VEPH1: variants seen among roughly 807,000 people sequenced by gnomAD.
The protein encoded by VEPH1 is ventricular zone-expressed PH domain-containing protein homolog 1.
A neutral mutation model predicts 85.2 loss-of-function variants in VEPH1; 80 were observed. The ratio of observed to expected loss-of-function variants is 0.94; its 90% confidence interval spans 0.78 to 1.13. The LOEUF (loss-of-function observed/expected upper bound fraction) is 1.13, where lower values mean the gene tolerates loss of function less well. Ranked by LOEUF, VEPH1 falls within the 50% of genes most tolerant of loss-of-function variation. The pLI, the probability that VEPH1 is intolerant of heterozygous loss-of-function variation, is 0.00. For synonymous variants in VEPH1, 297 were observed against 348.0 expected (o/e 0.85, Z 1.63); for missense variants, 955 against 980.5 (o/e 0.97, Z 0.35).
At chr3:157,426,195 A>G (rs578043626) in intron 5 of VEPH1, among the ~76,000 whole-genome samples, 1 of 152,334 alleles carries the variant, frequency 6.6e-6, no homozygotes, top group African/African-American at 2.4e-5. Flanking sequence ...GGTACCCTCC[A>G]GAATCCATTT....
At chr3:157,417,066 T>C (rs189904387) in intron 5 of VEPH1, among the ~76,000 whole-genome samples, 3 of 150,914 alleles carry the variant, frequency 2.0e-5, no homozygotes, top group Admixed American at 6.6e-5. Context: ...TAAACAAAAG[T>C]TGTTTTTTTT....
At chr3:157,271,089 A>G (rs1714490549) in intron 12 of VEPH1, among the ~76,000 whole-genome samples, 1 of 152,192 alleles carries the variant, frequency 6.6e-6, no homozygotes, top group Non-Finnish European at 1.5e-5. Context: ...AGAAACAAGT[A>G]AAGCAGGTGC....
intron 7 of VEPH1, among the ~76,000 whole-genome samples, chr3:157,372,146 A>G (rs940915578): frequency 2.6e-5 from 4 of 152,192 alleles, no homozygotes; most frequent in Non-Finnish European, 5.9e-5. Context: ...AAGAGCTAAG[A>G]CATTGTCACT....
chr3:157,354,491 CCTT>C (rs1459119099), intron 9 of VEPH1, among the ~76,000 whole-genome samples: 1 of 152,086 alleles, frequency 6.6e-6, no homozygotes, highest in Admixed American at 6.6e-5. Context: ...CATAAAGTGT[CCTT>C]CTGCCTCATG....
chr3:157,395,465 C>A (rs188684672), intron 6 of VEPH1, among the ~76,000 whole-genome samples: 2 of 152,264 alleles, frequency 1.3e-5, no homozygotes, highest in Non-Finnish European at 2.9e-5. Context: ...CCATGAATAA[C>A]CTCCTTCTCT....
chr3:157,315,266 A>G (rs977256139), intron 10 of VEPH1, among the ~76,000 whole-genome samples: 10 of 152,106 alleles, frequency 6.6e-5, no homozygotes, highest in African/African-American at 2.4e-4. Flanking sequence ...ACTGAATGGG[A>G]AAAGATGGAG....
In VEPH1 at chr3:157,363,623, C is replaced by A. The variant is rs145565947; in HGVS notation, c.1476G>T (p.Leu492=). Residue 492 remains leucine (L), a synonymous_variant, in exon 9 of 14, where the codon CTG becomes CTT. Transcript: ENST00000362010. ...ATCTCTCAGTGTCTGTCTTAAACGG[C>A]AGCTTGTCATTTCCTTGGCCAAGTG... The part of the protein sequence containing the change: ...IDPLGQGNDK[L]PFKTDTERSQ... 20 of 1,614,082 alleles carry A rather than the reference C, an allele frequency of 1.2e-5. No homozygotes were observed. The African/African-American group carries it at 2.4e-4, about 19-fold the overall frequency.
intron 10 of VEPH1, 85 bp downstream of exon 10, chr3:157,316,977 G>T: frequency 7.1e-7 from 1 of 1,414,574 alleles, no homozygotes; most frequent in Non-Finnish European, 9.4e-7. Flanking sequence ...ATCAACTCTG[G>T]CCAAAGAATA....
At position 157,358,310 on chromosome 3, in the gene VEPH1, C is replaced by G. The variant is rs141839044; in HGVS notation, c.1735+5054G>C. Among the ~76,000 whole-genome samples, 425 of 152,198 alleles carry G rather than the reference C, an allele frequency of 2.8e-3. 5 individuals carry two copies. The East Asian group carries it at 0.043, about 16-fold the overall frequency. Reference sequence around the variant, plus strand: ...AAGAAAAGTTTGCTAGAAAAGTATTCCCTAGTAAGTGCCCTTCTAACAGGG... The same window carrying G: ...AAGAAAAGTTTGCTAGAAAAGTATTGCCTAGTAAGTGCCCTTCTAACAGGG... On this transcript the variant is annotated intron_variant, in intron 9 of 13. Transcript: ENST00000362010.
Position 157,457,722 on chromosome 3 carries a change from T to A in VEPH1, c.529+2459A>T, listed in dbSNP as rs570445064. The stretch of plus-strand genomic sequence containing the variant: ...TTGCATCCCAGGGATAAAGCCTACT[T>A]GATCATGATCGATAAGCTTTTTGAT... On this transcript the variant is annotated intron_variant, in intron 4 of 13. Transcript: ENST00000362010. Among the ~76,000 whole-genome samples the A allele has an allele frequency of 1.4e-4, 21 of 152,352 alleles. No homozygotes were observed. In the South Asian group the frequency reaches 4.1e-3, roughly 30 times the overall value.
chr3:157,304,038 T>TATATATATATATATATACACAC lies in VEPH1; in HGVS notation c.2010+9582_2010+9583insGTGTGTATATATATATATATAT. 2.6e-3 allele frequency among the ~76,000 whole-genome samples: 252 copies of TATATATATATATATATACACAC among 96,890 alleles called. 36 individuals carry two copies. The East Asian group carries it at 0.049, about 19-fold the overall frequency. The allele number at this position is 96,890 out of a possible 152,430, so 63.6% of individuals were successfully genotyped here. A position where few individuals can be genotyped will look rare whatever the true frequency, so the allele number is the denominator to read the frequency against. The stretch of plus-strand genomic sequence containing the variant: ...CTTATATTTTTTATATATATATATA[T>TATATATATATATATATACACAC]ACACACATACTGTTACATCTTATAT... On this transcript the variant is annotated intron_variant, in intron 11 of 13. Transcript: ENST00000362010.
chr3:157,382,324 G>A (rs1351754501), intron 6 of VEPH1, among the ~76,000 whole-genome samples: 2 of 152,092 alleles, frequency 1.3e-5, no homozygotes, highest in African/African-American at 4.8e-5. Context: ...TAAGAAAATG[G>A]CTTAGCTGAC....
chr3:157,299,217 G>A (rs1009228878), intron 11 of VEPH1, among the ~76,000 whole-genome samples: 5 of 151,902 alleles, frequency 3.3e-5, no homozygotes, highest in Non-Finnish European at 7.4e-5. Context: ...AGTACACATG[G>A]GCTCAGATAA....
chr3:157,474,549 T>C (rs1254689509), intron 2 of VEPH1, among the ~76,000 whole-genome samples: 4 of 152,240 alleles, frequency 2.6e-5, no homozygotes, highest in African/African-American at 9.6e-5. Flanking sequence ...CAACGATTCT[T>C]AATAGTAAAA....
chr3:157,417,601 T>C (rs527576276), intron 5 of VEPH1, among the ~76,000 whole-genome samples: 3 of 152,328 alleles, frequency 2.0e-5, no homozygotes, highest in South Asian at 2.1e-4. Flanking sequence ...TTGATGGGCC[T>C]ATCTGCAGAC....
At chr3:157,498,228 T>C (rs1456095) in intron 1 of VEPH1, among the ~76,000 whole-genome samples, 97,402 of 152,074 alleles carry the variant, frequency 0.64, 31,598 homozygotes, top group African/African-American at 0.73. Context: ...AGCTCAGCTA[T>C]TCAGCGATTA....
intron 2 of VEPH1, among the ~76,000 whole-genome samples, chr3:157,487,280 C>T (rs1474316668): frequency 6.6e-6 from 1 of 151,924 alleles, no homozygotes; most frequent in African/African-American, 2.4e-5. Flanking sequence ...TCAATGAATA[C>T]AGAAGCTGCC....
At chr3:157,319,998 C>T (rs1021188005) in intron 9 of VEPH1, among the ~76,000 whole-genome samples, 16 of 152,192 alleles carry the variant, frequency 1.1e-4, no homozygotes, top group South Asian at 2.1e-4. Context: ...TCAGAGCTTT[C>T]TTGGCTTGCA....
chr3:157,494,398 G>A (rs1025945193), intron 2 of VEPH1, among the ~76,000 whole-genome samples: 1 of 152,150 alleles, frequency 6.6e-6, no homozygotes, highest in Non-Finnish European at 1.5e-5. Flanking sequence ...GTGGCCCTAG[G>A]CCTTTGAAGT....
Sources: allele counts gnomAD v4.1 joint callset (sites outside exome capture counted in the v4.1 genomes callset), GRCh38; gene constraint gnomAD v4.1.1; transcripts MANE v1.5; gene names NCBI Gene and HGNC (gene_info 2026-07-23, HGNC 2026-07-21).